The following FGGY variants were observed in gnomAD, a reference collection of about 807,000 sequenced individuals.
FGGY encodes the protein FGGY carbohydrate kinase domain containing.
FGGY carries 72 observed loss-of-function variants against 71.3 expected under a neutral mutation model. The ratio of observed to expected loss-of-function variants is 1.01; its 90% confidence interval spans 0.84 to 1.23. FGGY has a LOEUF of 1.23. Among genes scored for constraint, FGGY ranks in the 50% most tolerant of loss-of-function variants. The pLI, the probability that FGGY is intolerant of heterozygous loss-of-function variation, is 0.00. For missense variants in FGGY, 668 were observed against 682.3 expected, an observed-to-expected ratio of 0.98 and a Z score of 0.23; for synonymous variants, 251 against 250.3, an observed-to-expected ratio of 1.00 and a Z score of -0.02.
intron 8 of FGGY, among the ~76,000 whole-genome samples, chr1:59,590,056 A>G (rs1260090941): frequency 6.6e-6 from 1 of 152,178 alleles, no homozygotes; most frequent in African/African-American, 2.4e-5. Context: ...CTAATAAAGA[A>G]GAAAAGAGAG....
chr1:59,468,740 C>T (rs535538421), intron 6 of FGGY, among the ~76,000 whole-genome samples: 35 of 151,878 alleles, frequency 2.3e-4, no homozygotes, highest in Non-Finnish European at 2.8e-4. Flanking sequence ...GGTGTGGTCG[C>T]GGGCGCCTGT....
At chr1:59,332,311 T>C (rs1211430623) in intron 2 of FGGY, among the ~76,000 whole-genome samples, 1 of 152,218 alleles carries the variant, frequency 6.6e-6, no homozygotes, top group Non-Finnish European at 1.5e-5. Flanking sequence ...TCTCTCTAGC[T>C]AGGGAAATTC....
At chr1:59,727,420 G>A (rs777221259) in intron 14 of FGGY, among the ~76,000 whole-genome samples, 3 of 152,134 alleles carry the variant, frequency 2.0e-5, no homozygotes, top group African/African-American at 7.2e-5. Flanking sequence ...TAATGGGATT[G>A]TTACATTGAA....
At chr1:59,514,021 A>G (rs1360200871) in intron 7 of FGGY, among the ~76,000 whole-genome samples, 2 of 152,242 alleles carry the variant, frequency 1.3e-5, no homozygotes, top group Non-Finnish European at 2.9e-5. Context: ...TTCTGATTAC[A>G]GGCAAGGTTG....
intron 11 of FGGY, among the ~76,000 whole-genome samples, chr1:59,650,277 G>C (rs1479787235): frequency 6.9e-6 from 1 of 144,044 alleles, no homozygotes; most frequent in South Asian, 2.1e-4. Flanking sequence ...AAATGCGTTA[G>C]GGAGGATTCC....
intron 8 of FGGY, among the ~76,000 whole-genome samples, chr1:59,602,440 GTT>G (rs2096587182): frequency 6.6e-6 from 1 of 152,146 alleles, no homozygotes; most frequent in South Asian, 2.1e-4. Flanking sequence ...TATTATAATT[GTT>G]AACTGATTTA....
chr1:59,395,485 G>A (rs529573448), intron 5 of FGGY, among the ~76,000 whole-genome samples: 17 of 152,218 alleles, frequency 1.1e-4, no homozygotes, highest in Admixed American at 9.8e-4. Context: ...TGTTTAAGTT[G>A]TATCTTCTTT....
At chr1:59,575,262 T>A (rs1425614109) in intron 8 of FGGY, among the ~76,000 whole-genome samples, 1 of 152,196 alleles carries the variant, frequency 6.6e-6, no homozygotes, top group Non-Finnish European at 1.5e-5. Flanking sequence ...ATCTCTGCTT[T>A]ACCCCTTGGC....
At chr1:59,604,852 C>G (rs116196879) in intron 8 of FGGY, among the ~76,000 whole-genome samples, 1 of 152,098 alleles carries the variant, frequency 6.6e-6, no homozygotes, top group African/African-American at 2.4e-5. Flanking sequence ...CTGTGCAAAC[C>G]CTGGGTCCTA....
Position 59,406,216 on chromosome 1 carries a change from G to A in FGGY, c.554+27379G>A, listed in dbSNP as rs577435116. Among the ~76,000 whole-genome samples the A allele has an allele frequency of 1.4e-4, 15 of 111,082 alleles. No individual in the cohort carries two copies. The South Asian group carries it at 2.3e-3, about 17-fold the overall frequency. The allele number at this position is 111,082 out of a possible 152,430, so 72.9% of individuals were successfully genotyped here. A position where few individuals can be genotyped will look rare whatever the true frequency, so the allele number is the denominator to read the frequency against. On this transcript the variant is annotated intron_variant, in intron 5 of 15. Coordinates refer to ENST00000303721, the MANE Select transcript of FGGY (RefSeq NM_018291.5). Reference sequence around the variant, plus strand: ...ACTTGTGGCACTTTCACAGTCATTCGCAGAAATGCTCAGAGAGGAGGATAA... The same window carrying A: ...ACTTGTGGCACTTTCACAGTCATTCACAGAAATGCTCAGAGAGGAGGATAA...
At chr1:59,645,863 A>G (rs2097089531) in intron 11 of FGGY, among the ~76,000 whole-genome samples, 1 of 152,230 alleles carries the variant, frequency 6.6e-6, no homozygotes, top group Non-Finnish European at 1.5e-5. Flanking sequence ...TACCCAGAAC[A>G]AAAAGTGATT....
chr1:59,607,760 C>G, intron 8 of FGGY, 43 bp from the exon 9 acceptor site: 1 of 1,509,440 alleles, frequency 6.6e-7, no homozygotes, highest in Non-Finnish European at 9.2e-7. Context: ...TCCCCTACCC[C>G]TGAGAGTCAA....
At chr1:59,539,058 A>C (rs1050236407) in intron 7 of FGGY, among the ~76,000 whole-genome samples, 1 of 152,210 alleles carries the variant, frequency 6.6e-6, no homozygotes, top group African/African-American at 2.4e-5. Flanking sequence ...AATATTAAGT[A>C]CCTAGGAAGG....
intron 14 of FGGY, among the ~76,000 whole-genome samples, chr1:59,711,639 T>G (rs2097795141): frequency 6.6e-6 from 1 of 152,156 alleles, no homozygotes; most frequent in African/African-American, 2.4e-5. Context: ...CTCACAATCA[T>G]GGCACAAGGC....
intron 2 of FGGY, among the ~76,000 whole-genome samples, chr1:59,325,356 C>CCAACAACAACAACAACAACAA (rs563370217): frequency 5.4e-5 from 7 of 128,700 alleles, no homozygotes; most frequent in African/African-American, 1.8e-4. Context: ...GACTCCGTGT[C>CCAACAACAACAACAACAACAA]CAACAACAGC....
rs116284936 is a variant in FGGY at position 59,560,099 on chromosome 1, T to G, written c.903+5872T>G. 7.7e-3 allele frequency among the ~76,000 whole-genome samples: 1,167 copies of G among 152,310 alleles called. 7 individuals carry two copies. The highest frequency in any genetic ancestry group is 0.02 in the South Asian group (99 of 4,832). On this transcript the variant is annotated intron_variant, in intron 8 of 15. Coordinates refer to ENST00000303721, the MANE Select transcript of FGGY (RefSeq NM_018291.5). ...CAGCATCCACGTGACAAGGTCAACA[T>G]CAACAATGATAAGTCATGTTGATAG...
rs186341591 is a variant in FGGY, at chr1:59,711,872, A to G, written c.1512+37739A>G. On this transcript the variant is annotated intron_variant, in intron 14 of 15. Transcript: ENST00000303721. The stretch of plus-strand genomic sequence containing the variant: ...ATTTGGATGCGGACACAGCCAAACC[A>G]TATCATTCCACCCTGGCCCCTCCCA... 2.1e-4 allele frequency among the ~76,000 whole-genome samples: 32 copies of G among 152,254 alleles called. No homozygotes were observed. The East Asian group carries it at 6.0e-3, about 29-fold the overall frequency.
intron 11 of FGGY, among the ~76,000 whole-genome samples, chr1:59,657,007 T>C (rs2097224449): frequency 6.6e-6 from 1 of 152,222 alleles, no homozygotes; most frequent in Non-Finnish European, 1.5e-5. Flanking sequence ...GTCCGTGATA[T>C]CTTTTTGCAT....
rs192026639 is a variant in FGGY, at chr1:59,530,344, C to A, written c.799+17905C>A. ...GACTATGCAAAAATATTATTTTCTCCTAGCTTCAACCAACAGGTAACATAT... is the reference window on the plus strand; with the variant it reads ...GACTATGCAAAAATATTATTTTCTCATAGCTTCAACCAACAGGTAACATAT... On this transcript the variant is annotated intron_variant, in intron 7 of 15. Transcript: ENST00000303721. Among the ~76,000 whole-genome samples the A allele has an allele frequency of 1.5e-3, 224 of 152,268 alleles. 1 individual carries two copies. Among genetic ancestry groups the A allele is most frequent in the Admixed American group, 3.7e-3 (57 of 15,288 alleles).
Sources: gnomAD v4.1 joint callset for allele counts (sites outside exome capture counted in the v4.1 genomes callset) on GRCh38, gnomAD v4.1.1 for gene constraint, MANE v1.5 for transcripts, NCBI Gene and HGNC (gene_info 2026-07-23, HGNC 2026-07-21) for gene names.